METTL25: variants seen among roughly 807,000 people sequenced by gnomAD.
METTL25 encodes probable methyltransferase-like protein 25.
METTL25 carries 64 observed loss-of-function variants against 71.6 expected under a neutral mutation model. That is an observed-to-expected ratio of 0.89 (90% CI 0.73 to 1.10). The LOEUF is 1.10. Among genes scored for constraint, METTL25 ranks in the 50% least tolerant of loss-of-function variants. METTL25 has a pLI of 0.00. For missense variants in METTL25, 807 were observed against 707.0 expected (o/e 1.14, Z -1.60); for synonymous variants, 287 against 250.3 (o/e 1.15, Z -1.38).
chr12:82,387,282 G>T (rs1885129860), intron 2 of METTL25, among the ~76,000 whole-genome samples: 2 of 151,796 alleles, frequency 1.3e-5, no homozygotes, highest in South Asian at 4.2e-4. Flanking sequence ...TATTTTTGTT[G>T]CAGCAGGCTA....
chr12:82,421,036 A>C (rs1231265202), intron 5 of METTL25, among the ~76,000 whole-genome samples: 1 of 151,960 alleles, frequency 6.6e-6, no homozygotes, highest in Non-Finnish European at 1.5e-5. Context: ...TAATTTTTAA[A>C]TTTTTAGTAC....
chr12:82,371,244 C>T (rs1228258129), intron 1 of METTL25, among the ~76,000 whole-genome samples: 3 of 152,290 alleles, frequency 2.0e-5, no homozygotes, highest in Middle Eastern at 3.4e-3. Context: ...TAAAAGTACC[C>T]GAGGCTCAGT....
chr12:82,471,903 G>T (rs1592781074), intron 9 of METTL25, among the ~76,000 whole-genome samples: 1 of 152,100 alleles, frequency 6.6e-6, no homozygotes, highest in Non-Finnish European at 1.5e-5. Flanking sequence ...AAATTTTCCT[G>T]CCCTCTTACA....
intron 1 of METTL25, among the ~76,000 whole-genome samples, chr12:82,363,118 C>A (rs537350715): frequency 2.0e-5 from 3 of 152,098 alleles, no homozygotes; most frequent in Non-Finnish European, 2.9e-5. Flanking sequence ...ACAGGAGATA[C>A]AAAAGGTCTG....
chr12:82,460,728 TG>T (rs964945637), intron 9 of METTL25, among the ~76,000 whole-genome samples: 1 of 152,182 alleles, frequency 6.6e-6, no homozygotes, highest in Non-Finnish European at 1.5e-5. Flanking sequence ...AATTGCAGTG[TG>T]GGTTCCCTGG....
chr12:82,422,091 C>CA (rs1888563278), intron 5 of METTL25, among the ~76,000 whole-genome samples: 2 of 151,900 alleles, frequency 1.3e-5, no homozygotes, highest in South Asian at 2.1e-4. Flanking sequence ...AGAGACACAA[C>CA]AAAAAAATAG....
intron 9 of METTL25, among the ~76,000 whole-genome samples, chr12:82,470,604 A>G (rs973355884): frequency 4.0e-5 from 6 of 151,272 alleles, no homozygotes; most frequent in Admixed American, 6.6e-5. Flanking sequence ...AAAGAATAGG[A>G]AAAAAAAAGC....
chr12:82,436,115 G>T (rs1043589749), intron 7 of METTL25, among the ~76,000 whole-genome samples: 1 of 151,240 alleles, frequency 6.6e-6, no homozygotes, highest in Non-Finnish European at 1.5e-5. Context: ...TTCATGTGGT[G>T]TTTTTTTAAT....
intron 3 of METTL25, among the ~76,000 whole-genome samples, chr12:82,396,130 G>A (rs1251611317): frequency 6.6e-6 from 1 of 151,974 alleles, no homozygotes; most frequent in Non-Finnish European, 1.5e-5. Flanking sequence ...CAGGTTTTTA[G>A]CATAGTTGTC....
intron 4 of METTL25, among the ~76,000 whole-genome samples, chr12:82,402,164 G>T (rs977297513): frequency 2.6e-5 from 4 of 151,872 alleles, no homozygotes; most frequent in African/African-American, 9.7e-5. Flanking sequence ...TTTTAAATAC[G>T]ATGTATACTA....
chr12:82,402,250 T>C (rs1886691324), intron 4 of METTL25, among the ~76,000 whole-genome samples: 1 of 151,608 alleles, frequency 6.6e-6, no homozygotes, highest in African/African-American at 2.4e-5. Flanking sequence ...AGCTTTTTGT[T>C]GTTAAAGTAG....
At chr12:82,463,174 T>C (rs1364665421) in intron 9 of METTL25, among the ~76,000 whole-genome samples, 2 of 152,060 alleles carry the variant, frequency 1.3e-5, no homozygotes, top group Non-Finnish European at 2.9e-5. Context: ...AACTTAATCC[T>C]CTTATCTAGC....
intron 5 of METTL25, among the ~76,000 whole-genome samples, chr12:82,412,261 G>A (rs1327352472): frequency 6.6e-6 from 1 of 151,958 alleles, no homozygotes; most frequent in Non-Finnish European, 1.5e-5. Flanking sequence ...CATTCCTGTT[G>A]ACAATCTTAT....
At chr12:82,414,020 A>C (rs1887765013) in intron 5 of METTL25, among the ~76,000 whole-genome samples, 1 of 151,726 alleles carries the variant, frequency 6.6e-6, no homozygotes, top group South Asian at 2.1e-4. Context: ...CTATATTAAT[A>C]TTAATAGTGT....
At chr12:82,430,130 C>T (rs1020459638) in intron 5 of METTL25, among the ~76,000 whole-genome samples, 1 of 149,864 alleles carries the variant, frequency 6.7e-6, no homozygotes, top group Admixed American at 6.7e-5. Context: ...TTAATTGTCA[C>T]TGGGTTTGTT....
intron 1 of METTL25, among the ~76,000 whole-genome samples, chr12:82,363,589 G>C (rs1882208422): frequency 6.6e-6 from 1 of 152,098 alleles, no homozygotes; most frequent in Non-Finnish European, 1.5e-5. Flanking sequence ...AGGGGGGATA[G>C]TTTTCACAGT....
At chr12:82,400,205 G>C (rs1886477775) in intron 4 of METTL25, among the ~76,000 whole-genome samples, 1 of 151,812 alleles carries the variant, frequency 6.6e-6, no homozygotes, top group South Asian at 2.1e-4. Flanking sequence ...GGTGGCAGGT[G>C]CCTATAGTCC....
chr12:82,397,370 G>A (rs1189052507), intron 3 of METTL25, among the ~76,000 whole-genome samples: 1 of 151,992 alleles, frequency 6.6e-6, no homozygotes, highest in African/African-American at 2.4e-5. Context: ...CTTTATTCTA[G>A]ATATAAGTCC....
chr12:82,436,110 G>A (rs1308647337), intron 7 of METTL25, among the ~76,000 whole-genome samples: 1 of 151,398 alleles, frequency 6.6e-6, no homozygotes, highest in African/African-American at 2.4e-5. Context: ...ATGCATTCAT[G>A]TGGTGTTTTT....
Sources: gnomAD v4.1 joint callset for allele counts (sites outside exome capture counted in the v4.1 genomes callset) on GRCh38, gnomAD v4.1.1 for gene constraint, MANE v1.5 for transcripts, NCBI Gene and HGNC (gene_info 2026-07-23, HGNC 2026-07-21) for gene names.